Variants in DLG2 observed in about 807,000 individuals in gnomAD.
DLG2 encodes the protein disks large homolog 2.
In DLG2, 45 loss-of-function variants were observed where a neutral mutation model predicts 132.5. That is an observed-to-expected ratio of 0.34 (90% CI 0.27 to 0.44). The LOEUF (loss-of-function observed/expected upper bound fraction) is 0.44. DLG2 is among the 20% of genes least tolerant of loss of function. DLG2 has a pLI of 1.00. For missense variants in DLG2, 1,045 were observed against 1,196.9 expected (o/e 0.87, Z 1.87); for synonymous variants, 424 against 419.6 (o/e 1.01, Z -0.13).
intron 7 of DLG2, among the ~76,000 whole-genome samples, chr11:84,529,842 CT>C (rs1168293508): frequency 6.6e-6 from 1 of 152,118 alleles, no homozygotes; most frequent in Non-Finnish European, 1.5e-5. Flanking sequence ...CAAGGCAATC[CT>C]AAGCAAAAAT....
intron 6 of DLG2, among the ~76,000 whole-genome samples, chr11:84,898,322 C>T (rs566441059): frequency 2.0e-5 from 3 of 151,906 alleles, no homozygotes; most frequent in African/African-American, 4.8e-5. Context: ...TGGTTTCTTT[C>T]CTTGTTCTAA....
At chr11:85,210,004 AC>A (rs943194898) in intron 4 of DLG2, among the ~76,000 whole-genome samples, 6 of 151,976 alleles carry the variant, frequency 3.9e-5, no homozygotes, top group African/African-American at 1.5e-4. Flanking sequence ...TTAATAAGTC[AC>A]TTTTTCAATA....
At chr11:85,494,340 AATT>A (rs2093625570) in intron 3 of DLG2, among the ~76,000 whole-genome samples, 1 of 152,218 alleles carries the variant, frequency 6.6e-6, no homozygotes. Flanking sequence ...AAAGAAAAGG[AATT>A]GTTCTTAAAA....
At chr11:84,526,451 C>T (rs1429711277) in intron 7 of DLG2, among the ~76,000 whole-genome samples, 1 of 152,072 alleles carries the variant, frequency 6.6e-6, no homozygotes, top group Non-Finnish European at 1.5e-5. Flanking sequence ...AAACAGCAAA[C>T]CTAGAGGAAA....
intron 6 of DLG2, among the ~76,000 whole-genome samples, chr11:84,971,763 CTATATAT>C (rs1260591227): frequency 6.6e-6 from 1 of 151,894 alleles, no homozygotes; most frequent in Non-Finnish European, 1.5e-5. Context: ...CAGCCCAATA[CTATATAT>C]TATAATTTCC....
chr11:83,855,049 T>A (rs1387965945), intron 16 of DLG2, among the ~76,000 whole-genome samples: 1 of 151,916 alleles, frequency 6.6e-6, no homozygotes, highest in Non-Finnish European at 1.5e-5. Flanking sequence ...GATAAACAGA[T>A]GACAAATAAG....
rs1474050633 is a variant in DLG2, at chr11:85,583,063, T to A, written c.40+15594A>T. On this transcript the variant is annotated intron_variant, in intron 3 of 27. Coordinates refer to ENST00000376104, the MANE Select transcript of DLG2 (RefSeq NM_001142699.3). ...GAAACCAGGGGAAAAAAAAAATATA[T>A]ATATATATATATATAATATATGTGA... Among the ~76,000 whole-genome samples the A allele has an allele frequency of 2.5e-4, 33 of 133,226 alleles. 1 individual carries two copies. The highest frequency in any genetic ancestry group is 5.4e-4 in the African/African-American group (19 of 34,960). The allele number at this position is 133,226 out of a possible 152,430, so 87.4% of individuals were successfully genotyped here.
intron 6 of DLG2, among the ~76,000 whole-genome samples, chr11:84,688,030 T>C (rs921421006): frequency 3.3e-5 from 5 of 152,132 alleles, no homozygotes; most frequent in African/African-American, 1.2e-4. Flanking sequence ...GTACTGTGTA[T>C]ATATGTGATA....
intron 6 of DLG2, among the ~76,000 whole-genome samples, chr11:84,738,141 T>A (rs1185762174): frequency 6.6e-6 from 1 of 152,054 alleles, no homozygotes; most frequent in African/African-American, 2.4e-5. Context: ...GTATCATCCA[T>A]CCTGAGAGAA....
At chr11:84,807,275 G>A (rs919136821) in intron 6 of DLG2, among the ~76,000 whole-genome samples, 15 of 151,868 alleles carry the variant, frequency 9.9e-5, no homozygotes, top group African/African-American at 3.4e-4. Flanking sequence ...GTGAAACCTC[G>A]TCTCTACCAA....
intron 19 of DLG2, among the ~76,000 whole-genome samples, chr11:83,542,945 AT>A (rs937433043): frequency 6.6e-6 from 1 of 152,010 alleles, no homozygotes; most frequent in African/African-American, 2.4e-5. Context: ...TGGGGAACAG[AT>A]TTTTCTAAAA....
intron 19 of DLG2, among the ~76,000 whole-genome samples, chr11:83,603,913 C>T (rs2058946463): frequency 6.6e-6 from 1 of 152,074 alleles, no homozygotes; most frequent in Non-Finnish European, 1.5e-5. Flanking sequence ...AATATCTGTT[C>T]TCTTTTATTT....
chr11:85,399,623 G>A (rs1479108828), intron 3 of DLG2, among the ~76,000 whole-genome samples: 1 of 152,016 alleles, frequency 6.6e-6, no homozygotes, highest in Non-Finnish European at 1.5e-5. Flanking sequence ...CAGAAATAAT[G>A]CCACATATCT....
chr11:85,223,441 C>A (rs1051908693), intron 4 of DLG2, among the ~76,000 whole-genome samples: 1 of 151,946 alleles, frequency 6.6e-6, no homozygotes, highest in African/African-American at 2.4e-5. Context: ...TCCAGACAAG[C>A]CTGGGAAACA....
chr11:85,589,086 A>G (rs1396626600), intron 3 of DLG2, among the ~76,000 whole-genome samples: 1 of 152,156 alleles, frequency 6.6e-6, no homozygotes, highest in Non-Finnish European at 1.5e-5. Context: ...GGGGCGTGAA[A>G]TAGACTCTGT....
At chr11:85,007,197 C>T (rs648065) in intron 6 of DLG2, among the ~76,000 whole-genome samples, 106,946 of 151,564 alleles carry the variant, frequency 0.71, 38,705 homozygotes, top group East Asian at 0.92. Context: ...GAGCTAAGTA[C>T]ATAACTCTCA....
At chr11:84,926,635 C>G (rs2092989162) in intron 6 of DLG2, among the ~76,000 whole-genome samples, 2 of 151,470 alleles carry the variant, frequency 1.3e-5, no homozygotes, top group Admixed American at 6.6e-5. Context: ...AACAGTGTTG[C>G]TATTGGCTTA....
At position 84,506,373 on chromosome 11, in the gene DLG2, C is replaced by T. The variant is rs899508742; in HGVS notation, c.519+28197G>A. 4.0e-5 allele frequency among the ~76,000 whole-genome samples: 6 copies of T among 151,616 alleles called. No individual in the cohort carries two copies. In the East Asian group the frequency reaches 5.8e-4, roughly 15 times the overall value. ...TACAGGCGTGAGCCACCGCGCCCGG[C>T]CCTCAGTTCTTAAAAGAGTCAGTAA... On this transcript the variant is annotated intron_variant, in intron 7 of 27. Transcript: ENST00000376104.
chr11:84,526,828 G>C (rs2154519075), intron 7 of DLG2, among the ~76,000 whole-genome samples: 1 of 146,882 alleles, frequency 6.8e-6, no homozygotes, highest in South Asian at 2.2e-4. Context: ...GCCCAGGCTG[G>C]AGTGCAGTGG....
Sources: allele counts gnomAD v4.1 joint callset (sites outside exome capture counted in the v4.1 genomes callset), GRCh38; gene constraint gnomAD v4.1.1; transcripts MANE v1.5; gene names NCBI Gene and HGNC (gene_info 2026-07-23, HGNC 2026-07-21).